USP34: variants seen among roughly 807,000 people sequenced by gnomAD.
USP34 encodes the protein ubiquitin specific peptidase 34.
A neutral mutation model predicts 460.3 loss-of-function variants in USP34; 70 were observed. The ratio of observed to expected loss-of-function variants is 0.15; its 90% CI spans 0.13 to 0.19. The LOEUF is 0.19. Among genes scored for constraint, USP34 ranks in the 10% least tolerant of loss-of-function variants. USP34 has a pLI of 1.00. For missense variants in USP34, 3,985 were observed against 4,236.2 expected, an observed-to-expected ratio of 0.94 and a Z score of 1.65; for synonymous variants, 1,647 against 1,405.3, an observed-to-expected ratio of 1.17 and a Z score of -3.85.
At chr2:61,400,491 C>T (rs1693682789) in intron 3 of USP34, among the ~76,000 whole-genome samples, 1 of 152,078 alleles carries the variant, frequency 6.6e-6, no homozygotes, top group African/African-American at 2.4e-5. Flanking sequence ...AAAATTTTTG[C>T]TTAAAAGTAA....
chr2:61,450,984 C>T lies in USP34; in HGVS notation c.43+19666G>A, dbSNP rs575720796. ...CCTGTAATCCCAGCACTTTGGGAGGCCAAGGCAGGCGGATCACGAGGTCAA... is the reference window on the plus strand; with the variant it reads ...CCTGTAATCCCAGCACTTTGGGAGGTCAAGGCAGGCGGATCACGAGGTCAA... On this transcript the variant is annotated intron_variant, in intron 1 of 79. Coordinates refer to ENST00000398571, the MANE Select transcript of USP34 (RefSeq NM_014709.4). 8.6e-5 allele frequency among the ~76,000 whole-genome samples: 13 copies of T among 151,222 alleles called. No homozygotes were observed. In the South Asian group the frequency reaches 1.7e-3, roughly 19 times the overall value.
At chr2:61,381,303 C>G (rs1204240493) in intron 6 of USP34, among the ~76,000 whole-genome samples, 1 of 150,994 alleles carries the variant, frequency 6.6e-6, no homozygotes, top group Non-Finnish European at 1.5e-5. Flanking sequence ...CCTAGCTAAC[C>G]AGAGAACTGT....
intron 2 of USP34, among the ~76,000 whole-genome samples, chr2:61,407,427 A>G (rs777131688): frequency 1.3e-4 from 20 of 152,220 alleles, no homozygotes; most frequent in Non-Finnish European, 1.9e-4. Flanking sequence ...ACCTGGTTCT[A>G]ATAATACTTG....
In USP34 at chr2:61,384,790, T is replaced by C. The variant is rs542700994; in HGVS notation, c.754-1454A>G. 2.1e-4 allele frequency among the ~76,000 whole-genome samples: 32 copies of C among 152,222 alleles called. No individual in the cohort carries two copies. In the East Asian group the frequency reaches 6.2e-3, roughly 29 times the overall value. Reference sequence around the variant, plus strand: ...CCTGTAGTAAATACTACGTTAATGATGAAATGTTAAAAACTTTGCCTCCTG... The same window carrying C: ...CCTGTAGTAAATACTACGTTAATGACGAAATGTTAAAAACTTTGCCTCCTG... On this transcript the variant is annotated intron_variant, in intron 5 of 79. Transcript: ENST00000398571.
At chr2:61,234,484 T>C (rs1688005592) in intron 57 of USP34, among the ~76,000 whole-genome samples, 1 of 152,098 alleles carries the variant, frequency 6.6e-6, no homozygotes, top group Non-Finnish European at 1.5e-5. Context: ...GACAGGTGGA[T>C]AGGTGAATTT....
At chr2:61,214,716 T>C (rs866382546) in intron 67 of USP34, 22 bp from the exon 68 acceptor site, 2 of 1,610,638 alleles carry the variant, frequency 1.2e-6, no homozygotes, top group Middle Eastern at 1.7e-4. Context: ...AAAACAAAAC[T>C]GTCAGATCCT....
At chr2:61,238,186 G>A (rs10198188) in intron 53 of USP34, among the ~76,000 whole-genome samples, 102 of 151,744 alleles carry the variant, frequency 6.7e-4, no homozygotes, top group African/African-American at 2.1e-3. Flanking sequence ...GTGAGGCAAC[G>A]TGCCCAGCCT....
chr2:61,306,768 C>T (rs1421768940), intron 27 of USP34, among the ~76,000 whole-genome samples: 1 of 152,100 alleles, frequency 6.6e-6, no homozygotes, highest in East Asian at 1.9e-4. Context: ...CAATGAGATA[C>T]CATCTCACAC....
At chr2:61,462,861 C>CAAA (rs11302669) in intron 1 of USP34, among the ~76,000 whole-genome samples, 1 of 110,080 alleles carries the variant, frequency 9.1e-6, no homozygotes, top group Non-Finnish European at 1.9e-5. Context: ...AACTGTTTCC[C>CAAA]AAAAAAAAAA....
intron 23 of USP34, among the ~76,000 whole-genome samples, chr2:61,316,311 G>A (rs149476266): frequency 5.3e-5 from 8 of 152,284 alleles, no homozygotes; most frequent in East Asian, 1.9e-4. Context: ...CTGGCCAGCC[G>A]TGGTGGCTCG....
At chr2:61,466,312 C>T (rs1464460542) in intron 1 of USP34, among the ~76,000 whole-genome samples, 1 of 151,736 alleles carries the variant, frequency 6.6e-6, no homozygotes, top group African/African-American at 2.4e-5. Context: ...GTAGTCCCAG[C>T]TACTTGGGAG....
chr2:61,316,465 G>A (rs934824182), intron 23 of USP34, among the ~76,000 whole-genome samples: 1 of 151,028 alleles, frequency 6.6e-6, no homozygotes, highest in Non-Finnish European at 1.5e-5. Context: ...CATGCCTGTT[G>A]TCCCAGCTAC....
chr2:61,282,168 T>C (rs1459313248), intron 37 of USP34, among the ~76,000 whole-genome samples: 1 of 152,130 alleles, frequency 6.6e-6, no homozygotes, highest in Non-Finnish European at 1.5e-5. Context: ...TTTTTGTATT[T>C]TTAGTAGGGA....
intron 48 of USP34, 92 bp downstream of exon 48, chr2:61,256,292 T>A (rs1011877596): frequency 2.5e-6 from 3 of 1,182,532 alleles, no homozygotes; most frequent in Non-Finnish European, 3.7e-6. Flanking sequence ...CTTCATCATA[T>A]AATTTCCACC....
intron 1 of USP34, among the ~76,000 whole-genome samples, chr2:61,451,307 A>G (rs1479827065): frequency 6.6e-6 from 1 of 152,006 alleles, no homozygotes; most frequent in Non-Finnish European, 1.5e-5. Flanking sequence ...GATAAATTAT[A>G]AAGTGACTAA....
In USP34 at chr2:61,397,111, C is replaced by G. The variant is rs139336259; in HGVS notation, c.553-1878G>C. On this transcript the variant is annotated intron_variant, in intron 3 of 79. Transcript: ENST00000398571. Reference sequence around the variant, plus strand: ...TGAAGAAAAAAGAGAAGTTCAAAGGCCTTTCAAAGTCTGTATTTTGTATAT... The same window carrying G: ...TGAAGAAAAAAGAGAAGTTCAAAGGGCTTTCAAAGTCTGTATTTTGTATAT... 6.0e-3 allele frequency among the ~76,000 whole-genome samples: 914 copies of G among 152,164 alleles called. 5 individuals are homozygous for G. Among genetic ancestry groups the G allele is most frequent in the African/African-American group, 0.021 (887 of 41,524 alleles).
At chr2:61,211,359 T>C (rs1395869341) in intron 69 of USP34, among the ~76,000 whole-genome samples, 1 of 152,232 alleles carries the variant, frequency 6.6e-6, no homozygotes, top group African/African-American at 2.4e-5. Flanking sequence ...GACTATGTTT[T>C]ATAATTTTGG....
chr2:61,211,193 A>G (rs2103785849), intron 69 of USP34, among the ~76,000 whole-genome samples: 1 of 152,274 alleles, frequency 6.6e-6, no homozygotes, highest in East Asian at 1.9e-4. Context: ...TGTGCCTAAT[A>G]AAAAACAACA....
At chr2:61,431,080 C>G (rs960460461) in intron 1 of USP34, among the ~76,000 whole-genome samples, 1 of 152,014 alleles carries the variant, frequency 6.6e-6, no homozygotes, top group African/African-American at 2.4e-5. Context: ...CAACTAGACA[C>G]TGGAAAGGTT....
Sources: allele counts gnomAD v4.1 joint callset (sites outside exome capture counted in the v4.1 genomes callset), GRCh38; gene constraint gnomAD v4.1.1; transcripts MANE v1.5; gene names NCBI Gene and HGNC (gene_info 2026-07-23, HGNC 2026-07-21).